The following LAMC3 variants were observed in gnomAD, a reference collection of about 807,000 sequenced individuals.
The protein encoded by LAMC3 is laminin subunit gamma-3.
LAMC3 carries 128 observed loss-of-function variants against 173.8 expected under a neutral mutation model. The observed-to-expected ratio is 0.74, with a 90% CI of 0.64 to 0.85. LAMC3 has a LOEUF of 0.85. Among genes scored for constraint, LAMC3 ranks in the 40% least tolerant of loss-of-function variants. LAMC3 has a pLI of 0.00. For missense variants in LAMC3, 2,022 were observed against 2,156.0 expected, an observed-to-expected ratio of 0.94 and a Z score of 1.23; for synonymous variants, 897 against 909.1, an observed-to-expected ratio of 0.99 and a Z score of 0.24.
chr9:131,047,660 C>T (rs888201432), intron 8 of LAMC3, among the ~76,000 whole-genome samples: 2 of 150,910 alleles, frequency 1.3e-5, no homozygotes, highest in Non-Finnish European at 3.0e-5. Flanking sequence ...GTCAAGAGTT[C>T]GAGACCAGCC....
chr9:131,052,364 C>G, intron 9 of LAMC3, 127 bp from the exon 10 acceptor site: 4 of 879,618 alleles, frequency 4.5e-6, no homozygotes, highest in South Asian at 4.3e-5. Flanking sequence ...GTGCAGGAAG[C>G]TTTTGATTTT....
In LAMC3 at chr9:131,036,231, G is replaced by A. The variant is rs777176887; in HGVS notation, c.875G>A (p.Cys292Tyr). The A allele has an allele frequency of 3.1e-6, 5 of 1,613,190 alleles. No homozygotes were observed. Among genetic ancestry groups the A allele is most frequent in the Non-Finnish European group, 4.2e-6 (5 of 1,179,876 alleles). ...GTGGCAGGCCAGTTGGCCTGCCGGT[G>A]CCAGCACAACACCACCGGCACAGAC... The part of the protein sequence containing the change: ...PDVAGQLACR[C>Y]QHNTTGTDCE... Residue 292 changes from cysteine to tyrosine, a missense_variant, in exon 4 of 28, where the codon TGC (cysteine) becomes TAC (tyrosine). Coordinates refer to ENST00000361069, the MANE Select transcript of LAMC3 (RefSeq NM_006059.4).
In LAMC3 at chr9:131,009,239, G is replaced by A. The variant is rs1833356121; in HGVS notation, c.25G>A (p.Gly9Arg). 1 of 1,256,546 alleles carries A rather than the reference G, an allele frequency of 8.0e-7. No homozygotes were observed. The highest frequency in any genetic ancestry group is 9.9e-7 in the Non-Finnish European group (1 of 1,005,384). 77.8% of individuals were successfully genotyped at this position (1,256,546 alleles called of 1,614,324 possible). Reference protein sequence around the residue: MAAAALLLGLALLAPRAAG... With the variant: MAAAALLLRLALLAPRAAG... ...CATGGCGGCGGCTGCGCTTCTGCTG[G>A]GGCTGGCGCTGCTGGCACCGCGGGC... Residue 9 changes from glycine to arginine, a missense_variant, in exon 1 of 28, where the codon GGG (glycine) becomes AGG (arginine). Coordinates refer to ENST00000361069, the MANE Select transcript of LAMC3 (RefSeq NM_006059.4). The surrounding 1 kb of genome is among the most constrained non-coding windows in gnomAD (Gnocchi z 4.3).
Position 131,050,081 on chromosome 9 carries a change from A to G in LAMC3, c.1630+951A>G, listed in dbSNP as rs777875810. Among the ~76,000 whole-genome samples, 68 of 152,252 alleles carry G rather than the reference A, an allele frequency of 4.5e-4. 1 individual carries two copies. Among genetic ancestry groups the G allele is most frequent in the Non-Finnish European group, 6.5e-4 (44 of 68,040 alleles). ...AAAGGCGTCGGGCCCCTCGTGGGGC[A>G]GGCGCTCCAAGCTCAGAGGCCCATG... On this transcript the variant is annotated intron_variant, in intron 9 of 27. Coordinates refer to ENST00000361069, the MANE Select transcript of LAMC3 (RefSeq NM_006059.4).
In LAMC3 at chr9:131,019,589, G is replaced by A. The variant is rs1256902000; in HGVS notation, c.374-6696G>A. ...TTAGTGAGCACCTGCTATGTGCCAC[G>A]TGCTTTGCCAAGTACTTTACTCACA... On this transcript the variant is annotated intron_variant, in intron 1 of 27. Transcript: ENST00000361069. Among the ~76,000 whole-genome samples the A allele has an allele frequency of 3.9e-5, 6 of 152,302 alleles. No individual in the cohort carries two copies. The East Asian group carries it at 7.7e-4, about 20-fold the overall frequency.
chr9:131,013,463 T>C (rs1326935181), intron 1 of LAMC3, among the ~76,000 whole-genome samples: 1 of 151,606 alleles, frequency 6.6e-6, no homozygotes, highest in African/African-American at 2.4e-5. Context: ...TGGAGTTGAC[T>C]TCTTCTTGCT....
At chr9:131,028,004 C>T (rs1447882705) in intron 2 of LAMC3, among the ~76,000 whole-genome samples, 1 of 148,050 alleles carries the variant, frequency 6.8e-6, no homozygotes, top group African/African-American at 2.7e-5. Context: ...AGGTCCCCAA[C>T]CCCCGGCTGC....
intron 13 of LAMC3, among the ~76,000 whole-genome samples, chr9:131,064,061 C>G (rs1829879826): frequency 6.6e-6 from 1 of 152,122 alleles, no homozygotes; most frequent in African/African-American, 2.4e-5. Context: ...GCATGCACCA[C>G]CATGCCCGGC....
chr9:131,038,766 C>A, intron 4 of LAMC3, 98 bp from the exon 5 acceptor site: 1 of 1,258,004 alleles, frequency 7.9e-7, no homozygotes, highest in Non-Finnish European at 1.2e-6. Context: ...TCTCTTTGCA[C>A]TGCCTGCTCA....
At chr9:131,085,108 G>A (rs1319547468) in intron 24 of LAMC3, among the ~76,000 whole-genome samples, 1 of 151,912 alleles carries the variant, frequency 6.6e-6, no homozygotes, top group African/African-American at 2.4e-5. Flanking sequence ...CAGACTCTTG[G>A]TTTTCCATGG....
chr9:131,059,490 CAAAAAAAAAAAAAAAAA>C (rs58064050), intron 12 of LAMC3, among the ~76,000 whole-genome samples: 1 of 64,370 alleles, frequency 1.6e-5, no homozygotes, highest in East Asian at 6.8e-4. Context: ...GACTCCGTCT[CAAAAAAAAAAAAAAAAA>C]AAAAAAAAAA....
At chr9:131,062,928 G>T (rs974200382) in intron 13 of LAMC3, among the ~76,000 whole-genome samples, 3 of 151,068 alleles carry the variant, frequency 2.0e-5, no homozygotes, top group African/African-American at 7.3e-5. Flanking sequence ...TCCAGCCCCT[G>T]ATAACAGCTG....
intron 6 of LAMC3, 146 bp from the exon 7 acceptor site, chr9:131,041,491 A>C: frequency 1.4e-6 from 1 of 728,272 alleles, no homozygotes; most frequent in Non-Finnish European, 2.4e-6. Context: ...TTCCTTGGCA[A>C]GATGGGAACA....
intron 25 of LAMC3, among the ~76,000 whole-genome samples, chr9:131,086,163 C>T (rs1272883706): frequency 6.6e-6 from 1 of 152,076 alleles, no homozygotes; most frequent in African/African-American, 2.4e-5. Flanking sequence ...ACTGCAATCT[C>T]CGCCTCCTGG....
intron 8 of LAMC3, among the ~76,000 whole-genome samples, chr9:131,048,391 C>T (rs1054003022): frequency 1.3e-5 from 2 of 152,148 alleles, no homozygotes; most frequent in African/African-American, 2.4e-5. Flanking sequence ...CTGCAAACTT[C>T]TCTTCATGTT....
At chr9:131,072,572 G>T in intron 18 of LAMC3, 58 bp from the exon 19 acceptor site, 1 of 1,455,918 alleles carries the variant, frequency 6.9e-7, no homozygotes, top group Non-Finnish European at 9.5e-7. Flanking sequence ...CTGGGGGTGG[G>T]GGCTTTTGTG....
intron 22 of LAMC3, 75 bp from the exon 23 acceptor site, chr9:131,079,074 C>T (rs990107188): frequency 3.9e-5 from 60 of 1,544,238 alleles, no homozygotes; most frequent in Non-Finnish European, 4.7e-5. Context: ...CCCAGCAGGG[C>T]ACCTCCCCCA....
At position 131,079,409 on chromosome 9, in the gene LAMC3, G is replaced by A. The variant is rs891098348; in HGVS notation, c.3927+111G>A. ...GAAGGGCAGAGACAGAAGTAGCTCT[G>A]TCCGGCCGGGTGTAGTGGCTCACAC... On this transcript the variant is annotated intron_variant, in intron 23 of 27. Transcript: ENST00000361069. 29 of 1,334,068 alleles carry A rather than the reference G, an allele frequency of 2.2e-5. No individual in the cohort carries two copies. In the African/African-American group the frequency reaches 3.5e-4, roughly 16 times the overall value. 82.6% of individuals were successfully genotyped at this position (1,334,068 alleles called of 1,614,324 possible). A position where few individuals can be genotyped will look rare whatever the true frequency, so the allele number is the denominator to read the frequency against.
intron 11 of LAMC3, among the ~76,000 whole-genome samples, chr9:131,056,293 T>A (rs545622045): frequency 3.7e-4 from 56 of 152,036 alleles, no homozygotes; most frequent in Non-Finnish European, 6.8e-4. Flanking sequence ...GTAGCCCAGG[T>A]GAGTTTCCTA....
Sources: gnomAD v4.1 joint callset for allele counts (sites outside exome capture counted in the v4.1 genomes callset) on GRCh38, gnomAD v4.1.1 for gene constraint, Gnocchi (gnomAD v3.1) non-coding constraint, MANE v1.5 for transcripts, NCBI Gene and HGNC (gene_info 2026-07-23, HGNC 2026-07-21) for gene names.